MEOX1: variants seen among roughly 807,000 people sequenced by gnomAD.
The protein encoded by MEOX1 is mesenchyme homeobox 1, also known as homeobox protein MOX-1.
A neutral mutation model predicts 23.2 loss-of-function variants in MEOX1; 17 were observed. The observed-to-expected ratio is 0.73, with a 90% CI of 0.50 to 1.10. The LOEUF (loss-of-function observed/expected upper bound fraction) is 1.10. Among genes scored for constraint, MEOX1 ranks in the 50% least tolerant of loss-of-function variants. MEOX1 has a pLI of 0.00. For synonymous variants in MEOX1, 134 were observed against 135.1 expected (o/e 0.99, Z 0.06); for missense variants, 333 against 332.2 (o/e 1.00, Z -0.02).
At chr17:43,645,327 CCACCACGCCCGG>C (rs1476111933) in intron 1 of MEOX1, among the ~76,000 whole-genome samples, 1 of 151,966 alleles carries the variant, frequency 6.6e-6, no homozygotes, top group Admixed American at 6.6e-5. Context: ...CAGGCGCCCG[CCACCACGCCCGG>C]CAAATTTTTT....
chr17:43,643,893 C>A (rs1378261073), intron 1 of MEOX1, among the ~76,000 whole-genome samples: 13 of 120,990 alleles, frequency 1.1e-4, no homozygotes, highest in African/African-American at 3.7e-4. Context: ...ACCCTCCCCC[C>A]ACCCCAAACT....
chr17:43,658,380 G>A (rs988787877), intron 1 of MEOX1, among the ~76,000 whole-genome samples: 8 of 151,984 alleles, frequency 5.3e-5, no homozygotes, highest in African/African-American at 1.9e-4. Context: ...GGGGGCGTGC[G>A]CCTATAATCC....
chr17:43,648,031 C>T (rs1241856919), intron 1 of MEOX1, among the ~76,000 whole-genome samples: 3 of 152,212 alleles, frequency 2.0e-5, no homozygotes, highest in East Asian at 1.9e-4. Flanking sequence ...GTGGAAGTTA[C>T]GCTCTCTTTG....
At chr17:43,645,269 C>G (rs533417055) in intron 1 of MEOX1, among the ~76,000 whole-genome samples, 16 of 150,362 alleles carry the variant, frequency 1.1e-4, no homozygotes, top group African/African-American at 3.9e-4. Flanking sequence ...CTCCGCCTCC[C>G]GGGTTCACAC....
Position 43,643,605 on chromosome 17 carries a change from C to T in MEOX1, c.525G>A (p.Arg175=). Residue 175 remains arginine (R), a synonymous_variant, in exon 2 of 3, where the codon AGG becomes AGA. Coordinates refer to ENST00000318579, the MANE Select transcript of MEOX1 (RefSeq NM_004527.4). ...PEGSSKARKE[R]TAFTKEQLRE... Reference sequence around the variant, plus strand: ...GCAGCTGCTCCTTGGTGAAGGCCGTCCTCTCCTTGCGGGCTTTGCTGCTGC... The same window carrying T: ...GCAGCTGCTCCTTGGTGAAGGCCGTTCTCTCCTTGCGGGCTTTGCTGCTGC... 1.9e-6 allele frequency: 3 copies of T among 1,613,400 alleles called. No individual in the cohort carries two copies. Among genetic ancestry groups the T allele is most frequent in the Middle Eastern group, 1.6e-4 (1 of 6,084 alleles).
At chr17:43,642,143 A>G in intron 2 of MEOX1, 111 bp from the exon 3 acceptor site, 1 of 1,158,308 alleles carries the variant, frequency 8.6e-7, no homozygotes, top group East Asian at 2.4e-5. Context: ...GCTTGAAACC[A>G]TCACTTACCA....
chr17:43,661,540 G>A lies in MEOX1; in HGVS notation c.-6C>T. The A allele has an allele frequency of 6.5e-7, 1 of 1,531,028 alleles. No homozygotes were observed. The highest frequency in any genetic ancestry group is 8.8e-7 in the Non-Finnish European group (1 of 1,135,568). The allele number at this position is 1,531,028 out of a possible 1,614,324, so 94.8% of individuals were successfully genotyped here. Reference sequence around the variant, plus strand: ...CTGCTGGCCGCGGGATCCATCTGCTGTCCGCTGCACGCCTCGGTCCTTTCA... The same window carrying A: ...CTGCTGGCCGCGGGATCCATCTGCTATCCGCTGCACGCCTCGGTCCTTTCA... On this transcript the variant is annotated 5_prime_UTR_variant, in exon 1 of 3. Coordinates refer to ENST00000318579, the MANE Select transcript of MEOX1 (RefSeq NM_004527.4).
In MEOX1 at chr17:43,641,851, G is replaced by T; in HGVS notation, c.*59C>A. The T allele has an allele frequency of 6.5e-7, 1 of 1,543,648 alleles. No individual in the cohort carries two copies. On this transcript the variant is annotated 3_prime_UTR_variant, in exon 3 of 3. Coordinates refer to ENST00000318579, the MANE Select transcript of MEOX1 (RefSeq NM_004527.4). Reference sequence around the variant, plus strand: ...AAGGAAGAGGGTGAAGGTGGGATTGGGGTGGGGGTAGTTGGGTAGGGGGCT... The same window carrying T: ...AAGGAAGAGGGTGAAGGTGGGATTGTGGTGGGGGTAGTTGGGTAGGGGGCT...
chr17:43,640,878 A>T lies in MEOX1; in HGVS notation c.*1032T>A, dbSNP rs1476988438. On this transcript the variant is annotated 3_prime_UTR_variant, in exon 3 of 3. Coordinates refer to ENST00000318579, the MANE Select transcript of MEOX1 (RefSeq NM_004527.4). Reference sequence around the variant, plus strand: ...GATTTTCTTGTCCCCTTTTGCAGTCACAGGACACTGTCACTGGAGAACCTT... The same window carrying T: ...GATTTTCTTGTCCCCTTTTGCAGTCTCAGGACACTGTCACTGGAGAACCTT... The T allele has an allele frequency of 6.6e-6, 1 of 152,216 alleles. No homozygotes were observed. The highest frequency in any genetic ancestry group is 1.5e-5 in the Non-Finnish European group (1 of 68,046). The allele number at this position is 152,216 out of a possible 1,614,324, so 9.4% of individuals were successfully genotyped here.
intron 1 of MEOX1, among the ~76,000 whole-genome samples, chr17:43,648,125 C>A (rs1474540533): frequency 6.6e-6 from 1 of 152,208 alleles, no homozygotes; most frequent in East Asian, 1.9e-4. Flanking sequence ...GGGAGCTGTT[C>A]GGTCACCCTG....
intron 1 of MEOX1, among the ~76,000 whole-genome samples, chr17:43,657,627 G>A (rs1973063992): frequency 6.6e-6 from 1 of 152,058 alleles, no homozygotes; most frequent in Admixed American, 6.6e-5. Flanking sequence ...TCCATTTCTG[G>A]AGGCTTCTCA....
intron 1 of MEOX1, among the ~76,000 whole-genome samples, chr17:43,657,047 T>TTTCTTTCTTTC (rs1973041116): frequency 7.1e-6 from 1 of 140,000 alleles, no homozygotes; most frequent in Non-Finnish European, 1.6e-5. Context: ...TCTTTCTTTC[T>TTTCTTTCTTTC]TTCTTTCTTT....
intron 1 of MEOX1, among the ~76,000 whole-genome samples, chr17:43,657,059 C>CTTTCT (rs1567748423): frequency 1.9e-3 from 93 of 48,396 alleles, no homozygotes; most frequent in East Asian, 0.014. Context: ...TCTTTCTTTC[C>CTTTCT]TTCCTTCCTT....
At chr17:43,642,310 C>T (rs1972712288) in intron 2 of MEOX1, among the ~76,000 whole-genome samples, 1 of 152,188 alleles carries the variant, frequency 6.6e-6, no homozygotes. Context: ...ATGCCCTGCC[C>T]TGCCTGTGCC....
At chr17:43,649,290 CTTTTTTTTTTTT>C (rs10694288) in intron 1 of MEOX1, among the ~76,000 whole-genome samples, 1 of 86,206 alleles carries the variant, frequency 1.2e-5, no homozygotes, top group African/African-American at 4.8e-5. Flanking sequence ...GGCCTTTCAG[CTTTTTTTTTTTT>C]TTTTTTTTTT....
At chr17:43,659,684 C>G (rs1308674587) in intron 1 of MEOX1, among the ~76,000 whole-genome samples, 1 of 152,196 alleles carries the variant, frequency 6.6e-6, no homozygotes, top group Non-Finnish European at 1.5e-5. Context: ...TCTGTGTTCT[C>G]ACCAACTTTC....
At chr17:43,658,063 G>C (rs11658916) in intron 1 of MEOX1, among the ~76,000 whole-genome samples, 8 of 152,228 alleles carry the variant, frequency 5.3e-5, no homozygotes, top group Non-Finnish European at 1.2e-4. Flanking sequence ...GCAGCCAAAA[G>C]TTGCCGTGCT....
chr17:43,651,146 A>G (rs1290891216), intron 1 of MEOX1, among the ~76,000 whole-genome samples: 2 of 152,050 alleles, frequency 1.3e-5, no homozygotes, highest in East Asian at 1.9e-4. Context: ...GTGAAACCCC[A>G]TCTCCACTAA....
At chr17:43,656,724 C>T (rs960605827) in intron 1 of MEOX1, among the ~76,000 whole-genome samples, 3 of 152,158 alleles carry the variant, frequency 2.0e-5, no homozygotes, top group African/African-American at 7.2e-5. Flanking sequence ...TCTAATCACA[C>T]GCAACCTTCC....
Sources: gnomAD v4.1 joint callset for allele counts (sites outside exome capture counted in the v4.1 genomes callset) on GRCh38, gnomAD v4.1.1 for gene constraint, MANE v1.5 for transcripts, NCBI Gene and HGNC (gene_info 2026-07-23, HGNC 2026-07-21) for gene names.